POLR3E: variants seen among roughly 807,000 people sequenced by gnomAD.
POLR3E encodes the protein DNA-directed RNA polymerase III subunit RPC5.
POLR3E carries 41 observed loss-of-function variants against 96.6 expected under a neutral mutation model. The ratio of observed to expected loss-of-function variants is 0.42; its 90% confidence interval spans 0.33 to 0.55. POLR3E has a LOEUF of 0.55. POLR3E is among the 20% of genes least tolerant of loss of function. The probability of loss-of-function intolerance (pLI) is 0.06; values close to 1 mark genes in which losing one functional copy is unlikely to be tolerated. For synonymous variants in POLR3E, 396 were observed against 383.6 expected (o/e 1.03, Z -0.38); for missense variants, 849 against 952.1 (o/e 0.89, Z 1.43).
At chr16:22,332,033 C>T (rs930255565) in intron 19 of POLR3E, 27 bp from the exon 20 acceptor site, 2 of 1,608,580 alleles carry the variant, frequency 1.2e-6, no homozygotes, top group East Asian at 2.2e-5. Flanking sequence ...CACTGTTTCC[C>T]ATCATAACGT....
chr16:22,318,837 C>A lies in POLR3E; in HGVS notation c.877C>A (p.Pro293Thr), dbSNP rs1242151886. 6.2e-7 allele frequency: 1 copy of A among 1,613,228 alleles called. No individual in the cohort carries two copies. ...KILMKNVKVM[P>T]FANLMSLLGP... is the part of the protein sequence containing the mutation. ...TGCGTCCTCCTCAGTGAAGGTCATGCCTTTTGCCAACTTGATGAGCCTCCT... is the reference window on the plus strand; with the variant it reads ...TGCGTCCTCCTCAGTGAAGGTCATGACTTTTGCCAACTTGATGAGCCTCCT... Residue 293 changes from proline (P) to threonine (T), a missense_variant, in exon 13 of 21, where the codon CCT becomes ACT. By Grantham distance (38) the Pro-to-Thr change is conservative. Coordinates refer to ENST00000299853, the MANE Select transcript of POLR3E (RefSeq NM_018119.4). This position sits in a 1 kb window ranked among gnomAD's most constrained non-coding sequence, Gnocchi z 5.0.
chr16:22,310,211 T>C (rs1213606318), intron 6 of POLR3E: 2 of 152,738 alleles, frequency 1.3e-5, no homozygotes, highest in African/African-American at 4.8e-5. Flanking sequence ...GCTTACCTAG[T>C]GATGTCTTAA....
chr16:22,320,181 T>TA (rs2048440423), intron 13 of POLR3E, among the ~76,000 whole-genome samples: 3 of 152,266 alleles, frequency 2.0e-5, no homozygotes, highest in East Asian at 3.9e-4. Context: ...TATATATATA[T>TA]TTTTTTACCT....
At chr16:22,325,406 C>T in intron 17 of POLR3E, 140 bp downstream of exon 17, 1 of 748,594 alleles carries the variant, frequency 1.3e-6, no homozygotes, top group Non-Finnish European at 2.3e-6. Flanking sequence ...CCTTCCTTTC[C>T]TGCCACCCAC....
chr16:22,298,629 G>C (rs890759277), intron 1 of POLR3E, among the ~76,000 whole-genome samples: 2 of 152,162 alleles, frequency 1.3e-5, no homozygotes, highest in Non-Finnish European at 2.9e-5. Context: ...CCGTTTATCA[G>C]AAAACCGTGC....
chr16:22,317,067 C>G, intron 11 of POLR3E, 28 bp downstream of exon 11: 2 of 1,613,858 alleles, frequency 1.2e-6, no homozygotes, highest in Non-Finnish European at 8.5e-7. Flanking sequence ...GACACCCTCT[C>G]CCTTTCCGGG....
Position 22,325,998 on chromosome 16 carries a change from A to G in POLR3E, c.1586A>G (p.Lys529Arg). ...ACTTCCCCCAGCGGCCTCCACAGCA[A>G]GCTGGCCAACGGGCTGCCTCTCGGG... Reference protein sequence around the residue: ...MDTSPSGLHSKLANGLPLGRA... With the variant: ...MDTSPSGLHSRLANGLPLGRA... The change falls in exon 18 of 21, where the codon AAG becomes AGG. Residue 529 changes from lysine to arginine, a missense_variant. By Grantham distance (26) the Lys-to-Arg change is conservative. Coordinates refer to ENST00000299853, the MANE Select transcript of POLR3E (RefSeq NM_018119.4). 2 of 1,596,554 alleles carry G rather than the reference A, an allele frequency of 1.3e-6. No homozygotes were observed. Among genetic ancestry groups the G allele is most frequent in the Admixed American group, 1.7e-5 (1 of 57,648 alleles).
At chr16:22,298,402 C>T (rs972102947) in intron 1 of POLR3E, among the ~76,000 whole-genome samples, 1 of 152,184 alleles carries the variant, frequency 6.6e-6, no homozygotes, top group Non-Finnish European at 1.5e-5. Flanking sequence ...AATAACAAAC[C>T]TTCCCAGAGG....
At chr16:22,300,852 A>G (rs2048006446) in intron 1 of POLR3E, among the ~76,000 whole-genome samples, 1 of 152,206 alleles carries the variant, frequency 6.6e-6, no homozygotes, top group Admixed American at 6.5e-5. Flanking sequence ...ATTTATTTAG[A>G]CAACAAACAT....
chr16:22,334,271 T>G lies in POLR3E; in HGVS notation c.*571T>G, dbSNP rs974842297. ...ACTTTATGTAGCAGTCTCAACTGTT[T>G]ACATGAACCATAGCAAAAAAATCAG... On this transcript the variant is annotated 3_prime_UTR_variant, in exon 21 of 21. Transcript: ENST00000299853. 3 of 152,266 alleles carry G rather than the reference T, an allele frequency of 2.0e-5. No homozygotes were observed. The highest frequency in any genetic ancestry group is 4.8e-5 in the African/African-American group (2 of 41,452). The allele number at this position is 152,266 out of a possible 1,614,324, so 9.4% of individuals were successfully genotyped here. A position where few individuals can be genotyped will look rare whatever the true frequency, so the allele number is the denominator to read the frequency against.
In POLR3E at chr16:22,317,097, C is replaced by T; in HGVS notation, c.774-18C>T. On this transcript the variant is annotated intron_variant, in intron 11 of 20. Transcript: ENST00000299853. The stretch of plus-strand genomic sequence containing the variant: ...TCCGGGCTGGCTGCCTCTAACCCGT[C>T]CCCTCTGCTTTTCCCAGAGACAAGC... The T allele has an allele frequency of 2.5e-6, 4 of 1,613,724 alleles. No individual in the cohort carries two copies. Among genetic ancestry groups the T allele is most frequent in the Non-Finnish European group, 3.4e-6 (4 of 1,179,578 alleles).
At position 22,324,354 on chromosome 16, in the gene POLR3E, A is replaced by G. The variant is rs1283737209; in HGVS notation, c.1069A>G (p.Met357Val). 1.2e-6 allele frequency: 2 copies of G among 1,612,348 alleles called. No individual in the cohort carries two copies. Among genetic ancestry groups the G allele is most frequent in the Non-Finnish European group, 1.7e-6 (2 of 1,179,460 alleles). ...EVLCRGRDFV[M>V]WKFTQSRWVV... ...GAATGTGCTGCTTCTTCTCCCTCAG[A>G]TGTGGAAGTTCACGCAGAGCCGCTG... Residue 357 changes from methionine to valine, a missense_variant and splice_region_variant, in exon 15 of 21, where the codon ATG (methionine) becomes GTG (valine). Physicochemically the swap from Met to Val is conservative, Grantham distance 21. Transcript: ENST00000299853.
At chr16:22,304,695 G>C (rs1476769673) in intron 2 of POLR3E, among the ~76,000 whole-genome samples, 3 of 152,182 alleles carry the variant, frequency 2.0e-5, no homozygotes. Context: ...GGGAAGAAAG[G>C]AAGTGGAGCC....
At chr16:22,314,001 C>T (rs893457792) in intron 7 of POLR3E, 78 bp from the exon 8 acceptor site, 91 of 1,305,338 alleles carry the variant, frequency 7.0e-5, no homozygotes, top group Non-Finnish European at 9.2e-5. Flanking sequence ...CGGCCTGAGG[C>T]TTCCCTGGCG....
Position 22,325,840 on chromosome 16 carries a change from G to A in POLR3E, c.1428G>A (p.Glu476=). The A allele has an allele frequency of 6.2e-7, 1 of 1,612,260 alleles. No individual in the cohort carries two copies. Among genetic ancestry groups the A allele is most frequent in the Non-Finnish European group, 8.5e-7 (1 of 1,179,480 alleles). The change falls in exon 18 of 21, where the codon GAG becomes GAA. Residue 476 remains glutamate, a synonymous_variant. Coordinates refer to ENST00000299853, the MANE Select transcript of POLR3E (RefSeq NM_018119.4). ...CCCAGCAGAACCACGCGTTGCTGGAGCGGGAGCTGCAGCGGCGGAAGGAGC... is the reference window on the plus strand; with the variant it reads ...CCCAGCAGAACCACGCGTTGCTGGAACGGGAGCTGCAGCGGCGGAAGGAGC... ...TKAQQNHALL[E]RELQRRKEQL...
intron 6 of POLR3E, 83 bp downstream of exon 6, chr16:22,309,593 C>T: frequency 2.1e-6 from 2 of 954,416 alleles, no homozygotes; most frequent in African/African-American, 1.6e-5. Flanking sequence ...GCCTGGTGTC[C>T]ATCTCCCACC....
At chr16:22,314,035 G>T in intron 7 of POLR3E, 44 bp from the exon 8 acceptor site, 1 of 1,569,038 alleles carries the variant, frequency 6.4e-7, no homozygotes, top group South Asian at 1.1e-5. Context: ...GAAGGGAGGT[G>T]GAGGCTCCCC....
rs1259448567 is a variant in POLR3E at position 22,322,001 on chromosome 16, T to TA, written c.987-848dup. 6.6e-6 allele frequency among the ~76,000 whole-genome samples: 1 copy of TA among 152,222 alleles called. No homozygotes were observed. Among genetic ancestry groups the TA allele is most frequent in the East Asian group, 1.9e-4 (1 of 5,196 alleles). On this transcript the variant is annotated intron_variant, in intron 13 of 20. Transcript: ENST00000299853. This position sits in a 1 kb window ranked among gnomAD's most constrained non-coding sequence, Gnocchi z 5.2. ...CACTGCCCCTGGGGATGGCGGCTGT[T>TA]ACATTTGAGCTCCCTGAATGCAGAG...
chr16:22,309,454 G>T lies in POLR3E; in HGVS notation c.308G>T (p.Cys103Phe), dbSNP rs2048199924. The T allele has an allele frequency of 1.2e-6, 2 of 1,613,770 alleles. No homozygotes were observed. Among genetic ancestry groups the T allele is most frequent in the Non-Finnish European group, 1.7e-6 (2 of 1,179,872 alleles). Residue 103 changes from cysteine to phenylalanine, a missense_variant, in exon 6 of 21, where the codon TGC becomes TTC. Transcript: ENST00000299853. ...AAGCTGATGGACAAGCAGACCTTCT[G>T]CTCTTCCCAGACCACCAGTAACACA... is the stretch of plus-strand genomic sequence containing the variant. Reference protein sequence around the residue: ...SSKLMDKQTFCSSQTTSNTSR... With the variant: ...SSKLMDKQTFFSSQTTSNTSR...
Sources: allele counts gnomAD v4.1 joint callset (sites outside exome capture counted in the v4.1 genomes callset), GRCh38; gene constraint gnomAD v4.1.1; non-coding constraint Gnocchi (gnomAD v3.1); transcripts MANE v1.5; gene names NCBI Gene and HGNC (gene_info 2026-07-23, HGNC 2026-07-21).